The following MAP2K1 variants were observed in gnomAD, a reference collection of about 807,000 sequenced individuals.
MAP2K1 encodes dual specificity mitogen-activated protein kinase kinase 1.
A neutral mutation model predicts 46.3 loss-of-function variants in MAP2K1; 16 were observed. That is an observed-to-expected ratio of 0.35 (90% CI 0.23 to 0.52). MAP2K1 has a LOEUF of 0.52. Ranked by LOEUF, MAP2K1 falls within the 20% of genes least tolerant of loss-of-function variation. MAP2K1 has a pLI of 0.94. For missense variants in MAP2K1, 263 were observed against 497.1 expected, an observed-to-expected ratio of 0.53 and a Z score of 4.48; for synonymous variants, 183 against 185.6, an observed-to-expected ratio of 0.99 and a Z score of 0.11.
chr15:66,387,424 C>T lies in MAP2K1; in HGVS notation c.77C>T (p.Ala26Val), dbSNP rs1290811972. 8 of 1,556,680 alleles carry T rather than the reference C, an allele frequency of 5.1e-6. No individual in the cohort carries two copies. The highest frequency in any genetic ancestry group is 7.0e-6 in the Non-Finnish European group (8 of 1,149,468). The change falls in exon 1 of 11, where the codon GCG becomes GTG. Residue 26 changes from alanine to valine, a missense_variant. Ala to Val is a moderately conservative substitution (Grantham distance 64). This residue lies in a region of MAP2K1 where 103 missense variants were observed against 221.6 expected (regional missense o/e 0.46). Coordinates refer to ENST00000307102, the MANE Select transcript of MAP2K1 (RefSeq NM_002755.4). ...DGSAVNGTSS[A>V]ETNLEALQKK... ...TCTGCAGTTAACGGGACCAGCTCTG[C>T]GGAGTAAGTATGGGGCGGGCGGTGA...
chr15:66,418,693 C>G (rs963800264), intron 1 of MAP2K1, among the ~76,000 whole-genome samples: 5 of 151,346 alleles, frequency 3.3e-5, no homozygotes, highest in Non-Finnish European at 7.4e-5. Flanking sequence ...GACGGAGTCT[C>G]GCTCTGTCGC....
At chr15:66,479,199 C>T (rs957610344) in intron 5 of MAP2K1, among the ~76,000 whole-genome samples, 1 of 151,810 alleles carries the variant, frequency 6.6e-6, no homozygotes, top group African/African-American at 2.4e-5. Flanking sequence ...CGGGTTCAAA[C>T]GATTCTCCTG....
chr15:66,471,204 G>T (rs1280778707), intron 5 of MAP2K1, among the ~76,000 whole-genome samples: 1 of 152,112 alleles, frequency 6.6e-6, no homozygotes, highest in Non-Finnish European at 1.5e-5. Flanking sequence ...TTTCACAGGG[G>T]CCATGTTATG....
At chr15:66,445,477 A>G (rs1348077562) in intron 5 of MAP2K1, among the ~76,000 whole-genome samples, 3 of 152,232 alleles carry the variant, frequency 2.0e-5, no homozygotes, top group Non-Finnish European at 2.9e-5. Flanking sequence ...ACACTTAACC[A>G]TGTGACCATA....
chr15:66,480,328 G>A (rs1445913682), intron 5 of MAP2K1, among the ~76,000 whole-genome samples: 1 of 152,158 alleles, frequency 6.6e-6, no homozygotes, highest in Non-Finnish European at 1.5e-5. Context: ...GACCTCAGGT[G>A]ATCTTCCTGC....
At chr15:66,389,412 CAAG>C (rs1314564219) in intron 1 of MAP2K1, among the ~76,000 whole-genome samples, 1 of 152,046 alleles carries the variant, frequency 6.6e-6, no homozygotes, top group Admixed American at 6.5e-5. Flanking sequence ...TGTATTCTCT[CAAG>C]GAGGAGGAAT....
chr15:66,468,244 A>G (rs1434913208), intron 5 of MAP2K1, among the ~76,000 whole-genome samples: 1 of 152,246 alleles, frequency 6.6e-6, no homozygotes, highest in Non-Finnish European at 1.5e-5. Context: ...TGATAGAAGT[A>G]CATCTTAAAG....
rs548068158 is a variant in MAP2K1 at position 66,415,280 on chromosome 15, A to G, written c.81-19747A>G. The G allele has an allele frequency of 3.6e-3, 1,304 of 358,708 alleles. 4 individuals are homozygous for G. The highest frequency in any genetic ancestry group is 9.0e-3 in the Middle Eastern group (9 of 1,004). The allele number at this position is 358,708 out of a possible 1,614,324, so 22.2% of individuals were successfully genotyped here. ...CCACATTGAATCACCTTATTGGCGT[A>G]AACTATCAGGGCCCACTGTGAATAA... is the stretch of plus-strand genomic sequence containing the variant. On this transcript the variant is annotated intron_variant, in intron 1 of 10. Coordinates refer to ENST00000307102, the MANE Select transcript of MAP2K1 (RefSeq NM_002755.4).
At chr15:66,456,392 A>G (rs147611725) in intron 5 of MAP2K1, among the ~76,000 whole-genome samples, 73 of 152,328 alleles carry the variant, frequency 4.8e-4, no homozygotes, top group Non-Finnish European at 9.1e-4. Context: ...AACCCACCTC[A>G]AGATTACTTA....
In MAP2K1 at chr15:66,411,343, CCT is replaced by C. The variant is rs200508243; in HGVS notation, c.81-23680_81-23679del. On this transcript the variant is annotated intron_variant, in intron 1 of 10. Transcript: ENST00000307102. ...CTCAGGGTCTGAAAGAGTTAAAGCT[CCT>C]CTCAGAATAGCCCAGGCAGTTCCCA... Among the ~76,000 whole-genome samples, 1,193 of 152,210 alleles carry C rather than the reference CCT, an allele frequency of 7.8e-3. 13 individuals are homozygous for C. The highest frequency in any genetic ancestry group is 0.027 in the African/African-American group (1,118 of 41,516).
rs577303969 is a variant in MAP2K1, at chr15:66,424,347, C to T, written c.81-10680C>T. ...TGCTGGGATTACAGGCATGAGCCAC[C>T]GTGTCCAGCCCGTGTCTTGTAATTT... On this transcript the variant is annotated intron_variant, in intron 1 of 10. Coordinates refer to ENST00000307102, the MANE Select transcript of MAP2K1 (RefSeq NM_002755.4). Among the ~76,000 whole-genome samples, 59 of 152,168 alleles carry T rather than the reference C, an allele frequency of 3.9e-4. 3 individuals carry two copies. In the South Asian group the frequency reaches 0.011, roughly 28 times the overall value.
chr15:66,392,870 C>T (rs1209848502), intron 1 of MAP2K1, among the ~76,000 whole-genome samples: 11 of 152,020 alleles, frequency 7.2e-5, no homozygotes, highest in Non-Finnish European at 4.4e-5. Flanking sequence ...CTTTTTTTAA[C>T]CAATTTTGTT....
At chr15:66,481,926 A>G (rs749476260) in intron 6 of MAP2K1, 47 bp downstream of exon 6, 2 of 1,600,198 alleles carry the variant, frequency 1.2e-6, no homozygotes, top group South Asian at 1.1e-5. Flanking sequence ...ACGGTCAGGG[A>G]GAGGAGCCCA....
At chr15:66,472,572 T>G (rs1262151754) in intron 5 of MAP2K1, among the ~76,000 whole-genome samples, 2 of 152,220 alleles carry the variant, frequency 1.3e-5, no homozygotes, top group Non-Finnish European at 2.9e-5. Context: ...GTCAGGGGGC[T>G]GCCCTGTAGC....
chr15:66,473,278 A>G (rs1892682493), intron 5 of MAP2K1, among the ~76,000 whole-genome samples: 1 of 152,200 alleles, frequency 6.6e-6, no homozygotes, highest in Non-Finnish European at 1.5e-5. Flanking sequence ...AAGGGTCATG[A>G]AAAATGAGAG....
chr15:66,438,085 T>C (rs2093493455), intron 3 of MAP2K1, among the ~76,000 whole-genome samples: 1 of 151,594 alleles, frequency 6.6e-6, no homozygotes, highest in South Asian at 2.1e-4. Context: ...CCCCTTTCTT[T>C]TTTTTTCTTT....
rs2140583315 is a variant in MAP2K1 at position 66,436,751 on chromosome 15, T to G, written c.297T>G (p.Ile99Met). The G allele has an allele frequency of 6.2e-7, 1 of 1,614,146 alleles. No individual in the cohort carries two copies. Among genetic ancestry groups the G allele is most frequent in the Non-Finnish European group, 8.5e-7 (1 of 1,179,994 alleles). Reference sequence around the variant, plus strand: ...TTTCTTCCACCTTTCTCCAGCTAATTCATCTGGAGATCAAACCCGCAATCC... The same window carrying G: ...TTTCTTCCACCTTTCTCCAGCTAATGCATCTGGAGATCAAACCCGCAATCC... ...PSGLVMARKLIHLEIKPAIRN... is the reference protein window; with the variant it reads ...PSGLVMARKLMHLEIKPAIRN... The change falls in exon 3 of 11, where the codon ATT becomes ATG. Residue 99 changes from isoleucine to methionine, a missense_variant. Around this residue, in one of 4 missense-constraint regions of MAP2K1, gnomAD observed 103 missense variants for 221.6 expected, o/e 0.46. Transcript: ENST00000307102.
intron 1 of MAP2K1, among the ~76,000 whole-genome samples, chr15:66,407,260 G>A (rs2093399776): frequency 6.6e-6 from 1 of 152,148 alleles, no homozygotes; most frequent in East Asian, 1.9e-4. Flanking sequence ...GGTTTTGGGG[G>A]CCAGCAGTGC....
intron 1 of MAP2K1, among the ~76,000 whole-genome samples, chr15:66,434,543 C>T (rs984898251): frequency 6.6e-6 from 1 of 152,030 alleles, no homozygotes; most frequent in African/African-American, 2.4e-5. Context: ...TAACCTGGTT[C>T]CTGGACCTGA....
Sources: gnomAD v4.1 joint callset for allele counts (sites outside exome capture counted in the v4.1 genomes callset) on GRCh38, gnomAD v4.1.1 for gene constraint, gnomAD v4.1.1 regional missense constraint, MANE v1.5 for transcripts, NCBI Gene and HGNC (gene_info 2026-07-23, HGNC 2026-07-21) for gene names.